The following TNIK variants were observed in gnomAD, a reference collection of about 807,000 sequenced individuals.
The protein encoded by TNIK is TRAF2 and NCK interacting kinase, also known as TRAF2 and NCK-interacting protein kinase.
A neutral mutation model predicts 191.3 loss-of-function variants in TNIK; 49 were observed. The ratio of observed to expected loss-of-function variants is 0.26; its 90% CI spans 0.20 to 0.32. The LOEUF (loss-of-function observed/expected upper bound fraction) is 0.32, where lower values mean the gene tolerates loss of function less well. TNIK is among the 10% of genes least tolerant of loss of function. The pLI, the probability that TNIK is intolerant of heterozygous loss-of-function variation, is 1.00. For synonymous variants in TNIK, 594 were observed against 600.9 expected (o/e 0.99, Z 0.17); for missense variants, 1,155 against 1,702.3 (o/e 0.68, Z 5.66).
chr3:171,339,839 T>C (rs1352303930), intron 2 of TNIK, among the ~76,000 whole-genome samples: 1 of 152,188 alleles, frequency 6.6e-6, no homozygotes, highest in Non-Finnish European at 1.5e-5. Context: ...CTGCAAGGTG[T>C]GTTTGTTGGC....
At chr3:171,156,690 T>G (rs1478402966) in intron 12 of TNIK, among the ~76,000 whole-genome samples, 1 of 152,214 alleles carries the variant, frequency 6.6e-6, no homozygotes, top group Non-Finnish European at 1.5e-5. Context: ...GGACAAGGCA[T>G]GCAGCCAACT....
intron 21 of TNIK, 200 bp from the exon 22 acceptor site, chr3:171,101,833 A>AAAC (rs1362253878): frequency 5.2e-6 from 3 of 574,238 alleles, no homozygotes; most frequent in African/African-American, 1.9e-5. Context: ...AAATCAATTT[A>AAAC]AACTTTTTCA....
chr3:171,158,742 C>G (rs1362196018), intron 11 of TNIK, among the ~76,000 whole-genome samples: 1 of 152,158 alleles, frequency 6.6e-6, no homozygotes, highest in African/African-American at 2.4e-5. Flanking sequence ...TATTAATAGG[C>G]TCTATAGAAG....
chr3:171,308,953 T>C (rs1334959916), intron 2 of TNIK, among the ~76,000 whole-genome samples: 1 of 152,166 alleles, frequency 6.6e-6, no homozygotes, highest in Non-Finnish European at 1.5e-5. Flanking sequence ...CTGGTGGAAA[T>C]GTAAATTCAT....
intron 13 of TNIK, 71 bp downstream of exon 13, chr3:171,140,328 C>A: frequency 7.8e-7 from 1 of 1,288,034 alleles, no homozygotes; most frequent in Non-Finnish European, 1.1e-6. Flanking sequence ...AAAAGGTGAC[C>A]CACACCCCAG....
At chr3:171,173,878 C>T (rs780585546) in intron 9 of TNIK, among the ~76,000 whole-genome samples, 21 of 152,092 alleles carry the variant, frequency 1.4e-4, no homozygotes, top group Non-Finnish European at 2.5e-4. Flanking sequence ...GGGAAGAGAA[C>T]TGCGCCAGTC....
Position 171,128,748 on chromosome 3 carries a change from C to T in TNIK, c.1739G>A (p.Arg580Gln), listed in dbSNP as rs375320513. ...GACTGGTCTGAGCATGGGGGGTGTT[C>T]GAGCAGGCTGAACTCCACTAATGCT... ...SFSISGVQPA[R>Q]TPPMLRPVDP... is the part of the protein sequence containing the mutation. Residue 580 changes from arginine (R) to glutamine (Q), a missense_variant, in exon 16 of 33, where the codon CGA (arginine) becomes CAA (glutamine). This residue lies in a region of TNIK where 735 missense variants were observed against 848.0 expected (regional missense o/e 0.87). Coordinates refer to ENST00000436636, the MANE Select transcript of TNIK (RefSeq NM_015028.4). 2.1e-4 allele frequency: 339 copies of T among 1,613,294 alleles called. No individual in the cohort carries two copies. Among genetic ancestry groups the T allele is most frequent in the Non-Finnish European group, 2.8e-4 (328 of 1,179,736 alleles).
At chr3:171,250,125 T>TG (rs1746066602) in intron 2 of TNIK, among the ~76,000 whole-genome samples, 2 of 152,240 alleles carry the variant, frequency 1.3e-5, no homozygotes, top group African/African-American at 4.8e-5. Context: ...CTCTATAGCT[T>TG]GATGGCACAT....
chr3:171,062,655 G>C lies in TNIK; in HGVS notation c.*1226C>G, dbSNP rs186846583. On this transcript the variant is annotated 3_prime_UTR_variant, in exon 33 of 33. Coordinates refer to ENST00000436636, the MANE Select transcript of TNIK (RefSeq NM_015028.4). The stretch of plus-strand genomic sequence containing the variant: ...GTCTCAAAATTTTGTCCAAAGCCTT[G>C]CTTTCAAGTTCTCTAAAATTGGAGC... 28 of 152,288 alleles carry C rather than the reference G, an allele frequency of 1.8e-4. No homozygotes were observed. The highest frequency in any genetic ancestry group is 1.3e-3 in the Admixed American group (20 of 15,300). The allele number at this position is 152,288 out of a possible 1,614,324, so 9.4% of individuals were successfully genotyped here. A position where few individuals can be genotyped will look rare whatever the true frequency, so the allele number is the denominator to read the frequency against.
At chr3:171,204,744 TA>T (rs1283414219) in intron 4 of TNIK, among the ~76,000 whole-genome samples, 1 of 152,208 alleles carries the variant, frequency 6.6e-6, no homozygotes, top group Admixed American at 6.5e-5. Context: ...AAGGTGAAGT[TA>T]AACTAAATTT....
At chr3:171,337,096 C>T (rs1281531006) in intron 2 of TNIK, among the ~76,000 whole-genome samples, 1 of 152,176 alleles carries the variant, frequency 6.6e-6, no homozygotes, top group Non-Finnish European at 1.5e-5. Flanking sequence ...GCACTTTGTG[C>T]CAACCAAACA....
At chr3:171,075,873 A>G (rs1719847616) in intron 28 of TNIK, among the ~76,000 whole-genome samples, 1 of 151,916 alleles carries the variant, frequency 6.6e-6, no homozygotes. Flanking sequence ...AGTAGCTGGG[A>G]TTACAGGTGC....
chr3:171,400,027 C>T (rs1466635201), intron 1 of TNIK, among the ~76,000 whole-genome samples: 1 of 152,172 alleles, frequency 6.6e-6, no homozygotes, highest in African/African-American at 2.4e-5. Context: ...TCACAGGACA[C>T]AGCAGGAGTA....
In TNIK at chr3:171,126,167, A is replaced by G. The variant is rs1300881057; in HGVS notation, c.1774-16T>C. 2 of 1,518,848 alleles carry G rather than the reference A, an allele frequency of 1.3e-6. No individual in the cohort carries two copies. Among genetic ancestry groups the G allele is most frequent in the African/African-American group, 2.8e-5 (2 of 71,558 alleles). The allele number at this position is 1,518,848 out of a possible 1,614,324, so 94.1% of individuals were successfully genotyped here. A position where few individuals can be genotyped will look rare whatever the true frequency, so the allele number is the denominator to read the frequency against. Reference sequence around the variant, plus strand: ...GATGTGGGATCTAAGCATCAAAACAACATGAAAACAGCACTATTAGAAGAA... The same window carrying G: ...GATGTGGGATCTAAGCATCAAAACAGCATGAAAACAGCACTATTAGAAGAA... On this transcript the variant is annotated splice_polypyrimidine_tract_variant and intron_variant, in intron 16 of 32. Coordinates refer to ENST00000436636, the MANE Select transcript of TNIK (RefSeq NM_015028.4).
At chr3:171,417,793 T>A (rs948945395) in intron 1 of TNIK, among the ~76,000 whole-genome samples, 1 of 152,124 alleles carries the variant, frequency 6.6e-6, no homozygotes, top group Non-Finnish European at 1.5e-5. Context: ...CTTCCTATAA[T>A]CAAAGGGCTT....
At chr3:171,272,092 G>A (rs555263038) in intron 2 of TNIK, among the ~76,000 whole-genome samples, 18 of 152,302 alleles carry the variant, frequency 1.2e-4, no homozygotes, top group African/African-American at 4.3e-4. Flanking sequence ...AAGGCACTAC[G>A]TGATGACAGC....
intron 10 of TNIK, among the ~76,000 whole-genome samples, chr3:171,161,989 C>A (rs929776162): frequency 1.3e-5 from 2 of 152,084 alleles, no homozygotes; most frequent in African/African-American, 4.8e-5. Flanking sequence ...CATATCAAAC[C>A]CATTGGCCCT....
intron 2 of TNIK, among the ~76,000 whole-genome samples, chr3:171,318,930 T>C (rs925032394): frequency 2.6e-5 from 4 of 152,076 alleles, no homozygotes; most frequent in African/African-American, 9.7e-5. Context: ...TTTGAGAGGC[T>C]AAGGTGGGAG....
chr3:171,253,296 G>T (rs1321446513), intron 2 of TNIK, among the ~76,000 whole-genome samples: 1 of 138,814 alleles, frequency 7.2e-6, no homozygotes, highest in Non-Finnish European at 1.6e-5. Context: ...AAAAAAAAAA[G>T]AAATAACTAA....
Sources: gnomAD v4.1 joint callset for allele counts (sites outside exome capture counted in the v4.1 genomes callset) on GRCh38, gnomAD v4.1.1 for gene constraint, gnomAD v4.1.1 regional missense constraint, MANE v1.5 for transcripts, NCBI Gene and HGNC (gene_info 2026-07-23, HGNC 2026-07-21) for gene names.